Variants in OLA1 observed in about 807,000 individuals in gnomAD.
OLA1 encodes the protein obg-like ATPase 1.
In OLA1, 14 loss-of-function variants were observed where a neutral mutation model predicts 48.4. The ratio of observed to expected loss-of-function variants is 0.29; its 90% CI spans 0.19 to 0.45. The LOEUF is 0.45. OLA1 is among the 20% of genes least tolerant of loss of function. OLA1 has a pLI of 1.00. For synonymous variants in OLA1, 127 were observed against 150.4 expected (o/e 0.84, Z 1.14); for missense variants, 325 against 467.1 (o/e 0.70, Z 2.80).
At chr2:174,095,780 T>C (rs899657384) in intron 7 of OLA1, among the ~76,000 whole-genome samples, 2 of 152,174 alleles carry the variant, frequency 1.3e-5, no homozygotes, top group Non-Finnish European at 2.9e-5. Flanking sequence ...GTCATACATA[T>C]GACAGAGGTC....
intron 4 of OLA1, among the ~76,000 whole-genome samples, chr2:174,177,791 C>G (rs144185322): frequency 1.8e-3 from 281 of 152,018 alleles, no homozygotes; most frequent in African/African-American, 6.3e-3. Flanking sequence ...ATCTGGATTT[C>G]TTAAAGTTTT....
At chr2:174,094,752 C>T (rs1217217639) in intron 7 of OLA1, among the ~76,000 whole-genome samples, 4 of 152,182 alleles carry the variant, frequency 2.6e-5, no homozygotes, top group Non-Finnish European at 1.5e-5. Context: ...TGTTGTGCAA[C>T]GGCTCTACAG....
chr2:174,081,296 C>G (rs1309479461), intron 8 of OLA1, 48 bp from the exon 9 acceptor site: 1 of 1,408,036 alleles, frequency 7.1e-7, no homozygotes, highest in Non-Finnish European at 1.0e-6. Flanking sequence ...TTGATTGTGC[C>G]AGAAATTGGT....
At chr2:174,204,001 G>A (rs1032955951) in intron 4 of OLA1, among the ~76,000 whole-genome samples, 7 of 151,444 alleles carry the variant, frequency 4.6e-5, no homozygotes, top group African/African-American at 1.7e-4. Flanking sequence ...CACCATCTTG[G>A]CCAAGCTGGT....
chr2:174,214,534 C>T (rs7423096), intron 4 of OLA1, among the ~76,000 whole-genome samples: 76,558 of 151,764 alleles, frequency 0.5, 19,867 homozygotes, highest in East Asian at 0.94. Flanking sequence ...CTAAAAACTT[C>T]TCCTTGAAGT....
chr2:174,107,079 G>T (rs1685528918), intron 7 of OLA1, among the ~76,000 whole-genome samples: 1 of 152,098 alleles, frequency 6.6e-6, no homozygotes, highest in Non-Finnish European at 1.5e-5. Flanking sequence ...GTGAGGAAGG[G>T]GATGGACTAG....
chr2:174,186,040 A>C (rs1306244675), intron 4 of OLA1, among the ~76,000 whole-genome samples: 3 of 152,246 alleles, frequency 2.0e-5, no homozygotes, highest in Non-Finnish European at 4.4e-5. Flanking sequence ...ATCTAGAAAT[A>C]AACTTTACAA....
chr2:174,154,055 G>C (rs984543704), intron 4 of OLA1, among the ~76,000 whole-genome samples: 3 of 152,054 alleles, frequency 2.0e-5, no homozygotes, highest in African/African-American at 7.2e-5. Context: ...GTTTTCAGTA[G>C]ACATGAGGTC....
At chr2:174,200,058 A>G (rs1687958514) in intron 4 of OLA1, among the ~76,000 whole-genome samples, 1 of 152,182 alleles carries the variant, frequency 6.6e-6, no homozygotes, top group African/African-American at 2.4e-5. Context: ...TAGAAAATGT[A>G]ATCATTTCTC....
At chr2:174,148,601 C>T (rs1686670055) in intron 4 of OLA1, among the ~76,000 whole-genome samples, 1 of 152,196 alleles carries the variant, frequency 6.6e-6, no homozygotes, top group Non-Finnish European at 1.5e-5. Flanking sequence ...CCTTTCACAA[C>T]AAAGTACTCT....
At chr2:174,118,113 A>ACAACCAGAT (rs1433803210) in intron 7 of OLA1, among the ~76,000 whole-genome samples, 2 of 152,190 alleles carry the variant, frequency 1.3e-5, no homozygotes, top group Non-Finnish European at 2.9e-5. Flanking sequence ...ACACTTTTAA[A>ACAACCAGAT]CAACCAGATC....
intron 5 of OLA1, among the ~76,000 whole-genome samples, chr2:174,129,084 G>A (rs992084224): frequency 6.6e-6 from 1 of 152,042 alleles, no homozygotes; most frequent in African/African-American, 2.4e-5. Flanking sequence ...AATAAAATAT[G>A]GTGATTGTGA....
intron 5 of OLA1, among the ~76,000 whole-genome samples, chr2:174,139,818 T>C (rs1465630352): frequency 7.7e-6 from 1 of 129,928 alleles, no homozygotes; most frequent in East Asian, 2.2e-4. Context: ...TGAGCCGAGA[T>C]AGTGCCACTG....
intron 5 of OLA1, among the ~76,000 whole-genome samples, chr2:174,131,616 A>G (rs1391872814): frequency 6.6e-6 from 1 of 152,016 alleles, no homozygotes; most frequent in African/African-American, 2.4e-5. Context: ...ATTCTTCCCA[A>G]CACTTGGTAT....
chr2:174,202,288 C>G (rs1688007285), intron 4 of OLA1, among the ~76,000 whole-genome samples: 1 of 152,188 alleles, frequency 6.6e-6, no homozygotes, highest in South Asian at 2.1e-4. Flanking sequence ...GAAATCATAA[C>G]TGCATAAAAT....
Position 174,091,869 on chromosome 2 carries a change from C to CAAAAA in OLA1, c.729-9810_729-9806dup, listed in dbSNP as rs1174747360. On this transcript the variant is annotated intron_variant, in intron 7 of 10. Coordinates refer to ENST00000284719, the MANE Select transcript of OLA1 (RefSeq NM_013341.5). The stretch of plus-strand genomic sequence containing the variant: ...CCTGGGAGACAGCGAGACTCTGCCT[C>CAAAAA]AAAAAAAAAAAAAAAAAAAAAAAAA... 7.0e-4 allele frequency among the ~76,000 whole-genome samples: 16 copies of CAAAAA among 22,982 alleles called. 5 individuals are homozygous for CAAAAA. Among genetic ancestry groups the CAAAAA allele is most frequent in the Non-Finnish European group, 9.6e-4 (10 of 10,402 alleles). The allele number at this position is 22,982 out of a possible 152,430, so 15.1% of individuals were successfully genotyped here.
In OLA1 at chr2:174,081,245, A is replaced by G; in HGVS notation, c.873T>C (p.Ala291=). Residue 291 remains alanine (A), a synonymous_variant, in exon 9 of 11, where the codon GCT becomes GCC. Coordinates refer to ENST00000284719, the MANE Select transcript of OLA1 (RefSeq NM_013341.5). Reference sequence around the variant, plus strand: ...ACCCAGCCTTAATGATCTTTGGCAAAGCACTGAAATCAAATGAAACAAATT... The same window carrying G: ...ACCCAGCCTTAATGATCTTTGGCAAGGCACTGAAATCAAATGAAACAAATT... ...KYLEANMTQS[A]LPKIIKAGFA... is the part of the protein sequence containing the mutation. The G allele has an allele frequency of 6.2e-7, 1 of 1,610,036 alleles. No homozygotes were observed. The highest frequency in any genetic ancestry group is 1.3e-5 in the African/African-American group (1 of 74,900).
intron 4 of OLA1, among the ~76,000 whole-genome samples, chr2:174,193,724 T>A (rs2105425663): frequency 6.6e-6 from 1 of 152,350 alleles, no homozygotes. Flanking sequence ...TATTCTATTG[T>A]GAGTTCAGCT....
intron 4 of OLA1, among the ~76,000 whole-genome samples, chr2:174,181,925 C>A (rs1476617202): frequency 1.3e-5 from 2 of 152,176 alleles, no homozygotes; most frequent in Non-Finnish European, 2.9e-5. Flanking sequence ...TATCTCCCTC[C>A]TTTAGTATAT....
Sources: gnomAD v4.1 joint callset for allele counts (sites outside exome capture counted in the v4.1 genomes callset) on GRCh38, gnomAD v4.1.1 for gene constraint, MANE v1.5 for transcripts, NCBI Gene and HGNC (gene_info 2026-07-23, HGNC 2026-07-21) for gene names.